Variants in DDX46 observed in about 807,000 individuals in gnomAD.
DDX46 encodes DEAD-box helicase 46.
In DDX46, 30 loss-of-function variants were observed where a neutral mutation model predicts 134.9. The ratio of observed to expected loss-of-function variants is 0.22; its 90% confidence interval spans 0.17 to 0.30. The LOEUF is 0.30. Ranked by LOEUF, DDX46 falls within the 10% of genes least tolerant of loss-of-function variation. The pLI is 1.00. For synonymous variants in DDX46, 415 were observed against 404.1 expected, an observed-to-expected ratio of 1.03 and a Z score of -0.32; for missense variants, 622 against 1,248.7, an observed-to-expected ratio of 0.50 and a Z score of 7.56.
chr5:134,828,605 T>G, intron 22 of DDX46, 54 bp from the exon 23 acceptor site: 8 of 1,266,664 alleles, frequency 6.3e-6, no homozygotes, highest in South Asian at 1.8e-5. Context: ...TTTTTTTTTT[T>G]TGTTTTTTTT....
intron 16 of DDX46, among the ~76,000 whole-genome samples, chr5:134,810,238 C>G (rs558904178): frequency 1.1e-3 from 164 of 147,720 alleles, no homozygotes; most frequent in Non-Finnish European, 8.7e-4. Flanking sequence ...GTGAAGATAG[C>G]AAACTCTAGC....
intron 2 of DDX46, among the ~76,000 whole-genome samples, chr5:134,766,674 T>C (rs1240256638): frequency 6.6e-6 from 1 of 152,204 alleles, no homozygotes; most frequent in Non-Finnish European, 1.5e-5. Flanking sequence ...TGAGCTGCAA[T>C]TGTGCCACTG....
At chr5:134,775,018 A>G (rs1471063661) in intron 5 of DDX46, among the ~76,000 whole-genome samples, 1 of 152,014 alleles carries the variant, frequency 6.6e-6, no homozygotes, top group Non-Finnish European at 1.5e-5. Context: ...TAGTACAAAA[A>G]TATGTTGGCC....
At chr5:134,811,938 C>A in intron 18 of DDX46, 93 bp downstream of exon 18, 6 of 1,454,628 alleles carry the variant, frequency 4.1e-6, no homozygotes, top group South Asian at 1.5e-5. Context: ...TAGACAATCA[C>A]TGGAAACCTT....
Position 134,807,018 on chromosome 5 carries a change from G to A in DDX46, c.1955-730G>A, listed in dbSNP as rs545017125. Among the ~76,000 whole-genome samples the A allele has an allele frequency of 2.6e-3, 389 of 150,904 alleles. 1 individual carries two copies. The highest frequency in any genetic ancestry group is 4.0e-3 in the Non-Finnish European group (273 of 67,788). ...TTTTTTAAAATGCAGATTTTGATTC[G>A]GTAGTTTGGAGTATAACCCTAGATT... On this transcript the variant is annotated intron_variant, in intron 15 of 22. Transcript: ENST00000452510.
chr5:134,811,108 A>T, intron 16 of DDX46, 113 bp from the exon 17 acceptor site: 1 of 873,122 alleles, frequency 1.1e-6, no homozygotes, highest in Non-Finnish European at 1.7e-6. Context: ...AAAATTCTTT[A>T]GTTAATGTTG....
intron 21 of DDX46, among the ~76,000 whole-genome samples, chr5:134,824,649 T>C (rs983390489): frequency 6.6e-6 from 1 of 152,204 alleles, no homozygotes; most frequent in African/African-American, 2.4e-5. Context: ...GTAATTTAAG[T>C]GATCTAAATC....
chr5:134,785,877 C>T (rs1448745937), intron 11 of DDX46, among the ~76,000 whole-genome samples: 2 of 150,866 alleles, frequency 1.3e-5, no homozygotes, highest in Admixed American at 6.6e-5. Flanking sequence ...GAGATGGAGT[C>T]TCGCTCTGTC....
chr5:134,785,345 A>G, intron 10 of DDX46, 120 bp from the exon 11 acceptor site: 1 of 1,275,206 alleles, frequency 7.8e-7, no homozygotes, highest in South Asian at 2.3e-5. Context: ...TCAGGGATGC[A>G]TAACAAAACA....
chr5:134,809,174 A>G (rs1439679077), intron 16 of DDX46, among the ~76,000 whole-genome samples: 2 of 152,144 alleles, frequency 1.3e-5, no homozygotes, highest in Non-Finnish European at 2.9e-5. Context: ...ATTTTTTTGG[A>G]AAGGGCCATG....
In DDX46 at chr5:134,819,202, G is replaced by A. The variant is rs6863500; in HGVS notation, c.2977+198G>A. Among the ~76,000 whole-genome samples the A allele has an allele frequency of 1.7e-3, 257 of 152,234 alleles. 1 individual carries two copies. Among genetic ancestry groups the A allele is most frequent in the African/African-American group, 5.7e-3 (237 of 41,540 alleles). ...ATGCAAAGGTAAATGATCTGTTTCCGAGACTCAGTTTTGGCAATTTAGTCA... is the reference window on the plus strand; with the variant it reads ...ATGCAAAGGTAAATGATCTGTTTCCAAGACTCAGTTTTGGCAATTTAGTCA... On this transcript the variant is annotated intron_variant, in intron 21 of 22. Coordinates refer to ENST00000452510, the MANE Select transcript of DDX46 (RefSeq NM_001300860.2).
intron 1 of DDX46, among the ~76,000 whole-genome samples, chr5:134,760,161 T>C (rs1753332529): frequency 6.6e-6 from 1 of 152,192 alleles, no homozygotes; most frequent in East Asian, 1.9e-4. Flanking sequence ...TGCCCCTGAC[T>C]TAGTCTCCAT....
intron 21 of DDX46, chr5:134,826,635 G>A (rs1473396823): frequency 9.6e-6 from 2 of 208,086 alleles, no homozygotes; most frequent in African/African-American, 2.3e-5. Flanking sequence ...TTTCCCTTTA[G>A]CCTTCTCTTA....
At position 134,796,122 on chromosome 5, in the gene DDX46, A is replaced by G. The variant is rs148120261; in HGVS notation, c.1926A>G (p.Ala642=). Residue 642 remains alanine, a synonymous_variant, in exon 15 of 23, where the codon GCA becomes GCG. Transcript: ENST00000452510. The part of the protein sequence containing the change: ...ADGLLKDLMR[A]SYPCMSLHGG... The stretch of plus-strand genomic sequence containing the variant: ...GTCTTCTTAAGGATTTAATGAGAGC[A>G]TCTTATCCTTGCATGTCTCTTCATG... 7.1e-5 allele frequency: 115 copies of G among 1,613,662 alleles called. 1 individual carries two copies. Among genetic ancestry groups the G allele is most frequent in the Non-Finnish European group, 9.0e-5 (106 of 1,179,900 alleles).
intron 2 of DDX46, 102 bp downstream of exon 2, chr5:134,764,194 C>A: frequency 1.8e-6 from 2 of 1,111,758 alleles, no homozygotes; most frequent in Non-Finnish European, 2.5e-6. Context: ...TTTGGTGGCC[C>A]AATTGCAGGC....
intron 18 of DDX46, 150 bp from the exon 19 acceptor site, chr5:134,816,280 C>T: frequency 1.6e-6 from 1 of 642,078 alleles, no homozygotes; most frequent in Non-Finnish European, 2.4e-6. Flanking sequence ...GGTATATTTT[C>T]CCATGGATCT....
intron 15 of DDX46, among the ~76,000 whole-genome samples, chr5:134,806,871 T>C (rs1755003813): frequency 6.6e-6 from 1 of 152,180 alleles, no homozygotes; most frequent in African/African-American, 2.4e-5. Flanking sequence ...TTATGGTATT[T>C]TATACTCTGC....
At chr5:134,808,041 G>GA in intron 16 of DDX46, 100 bp downstream of exon 16, 1 of 1,115,030 alleles carries the variant, frequency 9.0e-7, no homozygotes, top group Non-Finnish European at 1.2e-6. Context: ...GAGACATTTT[G>GA]AAAATCTTTA....
intron 18 of DDX46, among the ~76,000 whole-genome samples, chr5:134,813,271 C>A (rs1182645341): frequency 1.3e-5 from 2 of 152,156 alleles, no homozygotes; most frequent in African/African-American, 4.8e-5. Context: ...TTATCTGTTA[C>A]CATGTAACAA....
Sources: allele counts gnomAD v4.1 joint callset (sites outside exome capture counted in the v4.1 genomes callset), GRCh38; gene constraint gnomAD v4.1.1; transcripts MANE v1.5; gene names NCBI Gene and HGNC (gene_info 2026-07-23, HGNC 2026-07-21).